The following DNAH14 variants were observed in gnomAD, a reference collection of about 807,000 sequenced individuals.
DNAH14 encodes the protein dynein axonemal heavy chain 14.
In DNAH14, 478 loss-of-function variants were observed where a neutral mutation model predicts 520.9. That is an observed-to-expected ratio of 0.92 (90% CI 0.85 to 0.99). The LOEUF is 0.99. Ranked by LOEUF, DNAH14 falls within the 50% of genes least tolerant of loss-of-function variation. DNAH14 has a pLI of 0.00. For missense variants in DNAH14, 4,831 were observed against 5,234.5 expected (o/e 0.92, Z 2.38); for synonymous variants, 1,581 against 1,757.2 (o/e 0.90, Z 2.51).
At position 225,206,172 on chromosome 1, in the gene DNAH14, T is replaced by C; in HGVS notation, c.6179T>C (p.Val2060Ala). 1 of 1,546,482 alleles carries C rather than the reference T, an allele frequency of 6.5e-7. No individual in the cohort carries two copies. The highest frequency in any genetic ancestry group is 1.4e-5 in the African/African-American group (1 of 73,094). The change falls in exon 40 of 86, where the codon GTC becomes GCC. Residue 2060 changes from valine to alanine, a missense_variant. Physicochemically the swap from Val to Ala is moderately conservative, Grantham distance 64. Transcript: ENST00000682510. ...SPATVSRCAM[V>A]YMDPVDLGWE... The stretch of plus-strand genomic sequence containing the variant: ...GCTACTGTCAGCCGATGTGCCATGG[T>C]CTATATGGTAAGCTTTCAAAAACAA...
chr1:225,320,311 G>A (rs1175311956), intron 61 of DNAH14, among the ~76,000 whole-genome samples: 2 of 152,144 alleles, frequency 1.3e-5, no homozygotes, highest in African/African-American at 4.8e-5. Flanking sequence ...ACAGAGGCTG[G>A]CATAAGGCAA....
chr1:225,364,098 A>G (rs185940270), intron 75 of DNAH14, among the ~76,000 whole-genome samples: 9 of 152,292 alleles, frequency 5.9e-5, no homozygotes, highest in Admixed American at 3.9e-4. Context: ...ATATCATTGA[A>G]GTAATGTTAT....
At chr1:225,210,134 AC>A (rs2088173935) in intron 41 of DNAH14, among the ~76,000 whole-genome samples, 2 of 151,998 alleles carry the variant, frequency 1.3e-5, no homozygotes, top group South Asian at 4.2e-4. Flanking sequence ...TGGGGTACTT[AC>A]TGGCCTGTAA....
chr1:225,053,412 C>A (rs376234135), intron 17 of DNAH14, among the ~76,000 whole-genome samples: 10 of 152,246 alleles, frequency 6.6e-5, no homozygotes, highest in South Asian at 2.1e-4. Context: ...ATGTCAGGGA[C>A]TTGGAACATT....
At chr1:225,366,464 C>T (rs965950553) in intron 76 of DNAH14, among the ~76,000 whole-genome samples, 2 of 152,124 alleles carry the variant, frequency 1.3e-5, no homozygotes, top group Non-Finnish European at 2.9e-5. Flanking sequence ...GTTCTGAAGG[C>T]GGACAGACAC....
At chr1:225,318,807 A>AT (rs2094510390) in intron 61 of DNAH14, 130 bp downstream of exon 61, 8 of 886,010 alleles carry the variant, frequency 9.0e-6, no homozygotes, top group Non-Finnish European at 1.2e-5. Context: ...TTGGTTTAAG[A>AT]TTTTTTACCC....
chr1:225,318,314 T>A (rs1307434944), intron 60 of DNAH14, among the ~76,000 whole-genome samples: 1 of 152,186 alleles, frequency 6.6e-6, no homozygotes, highest in Non-Finnish European at 1.5e-5. Context: ...AATTCTACAC[T>A]GAGTCTAAGA....
At chr1:225,167,886 T>G in intron 35 of DNAH14, 53 bp from the exon 36 acceptor site, 1 of 1,052,642 alleles carries the variant, frequency 9.5e-7, no homozygotes, top group Non-Finnish European at 1.4e-6. Flanking sequence ...AGATAAAAAT[T>G]TAAGAGTTTC....
chr1:225,158,894 G>A (rs2081286364), intron 34 of DNAH14, among the ~76,000 whole-genome samples: 1 of 152,122 alleles, frequency 6.6e-6, no homozygotes, highest in Non-Finnish European at 1.5e-5. Context: ...TGGCAGACAT[G>A]TTTTCATAAG....
intron 52 of DNAH14, among the ~76,000 whole-genome samples, chr1:225,274,298 G>A (rs1318507247): frequency 2.7e-5 from 4 of 147,030 alleles, no homozygotes; most frequent in Admixed American, 1.4e-4. Flanking sequence ...TCCGCCTTCC[G>A]GGTTCACGCC....
chr1:225,025,365 A>G (rs758148664), intron 11 of DNAH14, among the ~76,000 whole-genome samples: 1 of 151,662 alleles, frequency 6.6e-6, no homozygotes, highest in Non-Finnish European at 1.5e-5. Flanking sequence ...TTGTGGAGTC[A>G]GACCACATGG....
In DNAH14 at chr1:225,263,492, C is replaced by T. The variant is rs368456066; in HGVS notation, c.7158-705C>T. The stretch of plus-strand genomic sequence containing the variant: ...CCCAATCCCTAGGTCCCCATTTTTG[C>T]CCTGCACTACATCTAATATTCTACT... On this transcript the variant is annotated intron_variant, in intron 46 of 85. Transcript: ENST00000682510. Among the ~76,000 whole-genome samples, 38 of 151,894 alleles carry T rather than the reference C, an allele frequency of 2.5e-4. No individual in the cohort carries two copies. The South Asian group carries it at 7.9e-3, about 32-fold the overall frequency.
chr1:225,024,626 ATAT>A (rs2065955514), intron 11 of DNAH14: 2 of 152,150 alleles, frequency 1.3e-5, no homozygotes, highest in Admixed American at 6.6e-5. Flanking sequence ...ATTCAAGATA[ATAT>A]TTTGTTTTTC....
chr1:224,976,012 C>T (rs1428417940), intron 8 of DNAH14, among the ~76,000 whole-genome samples: 1 of 151,682 alleles, frequency 6.6e-6, no homozygotes, highest in Non-Finnish European at 1.5e-5. Flanking sequence ...GCAGGTTGTT[C>T]AGTTTCCATG....
intron 44 of DNAH14, among the ~76,000 whole-genome samples, chr1:225,253,512 G>A (rs1427398375): frequency 5.9e-5 from 9 of 151,858 alleles, no homozygotes; most frequent in South Asian, 2.1e-4. Context: ...ATGGTAAACC[G>A]CAATATGATA....
Position 225,100,708 on chromosome 1 carries a change from T to A in DNAH14, c.3696-5T>A. On this transcript the variant is annotated splice_region_variant and splice_polypyrimidine_tract_variant and intron_variant, in intron 22 of 85. Coordinates refer to ENST00000682510, the MANE Select transcript of DNAH14 (RefSeq NM_001367479.1). ...ATAAAATGACATCTAATTTTTTTTC[T>A]AAAGGCAACTCCCAGCAGAAACAGA... is the stretch of plus-strand genomic sequence containing the variant. 1 of 1,471,558 alleles carries A rather than the reference T, an allele frequency of 6.8e-7. No individual in the cohort carries two copies. The highest frequency in any genetic ancestry group is 1.4e-5 in the African/African-American group (1 of 69,158). 91.2% of individuals were successfully genotyped at this position (1,471,558 alleles called of 1,614,324 possible).
rs1448748665 is a variant in DNAH14, at chr1:225,023,809, T to G, written c.1302T>G (p.Phe434Leu). 1 of 1,549,308 alleles carries G rather than the reference T, an allele frequency of 6.5e-7. No individual in the cohort carries two copies. Among genetic ancestry groups the G allele is most frequent in the Non-Finnish European group, 8.7e-7 (1 of 1,145,832 alleles). The change falls in exon 11 of 86, where the codon TTT becomes TTG. Residue 434 changes from phenylalanine to leucine, a missense_variant. Phe to Leu is a conservative substitution (Grantham distance 22, BLOSUM62 0). Transcript: ENST00000682510. Reference sequence around the variant, plus strand: ...CAGTCACACTACTTTTGGAATTATTTAATGGTTCTGCTGGAATGCCATTTT... The same window carrying G: ...CAGTCACACTACTTTTGGAATTATTGAATGGTTCTGCTGGAATGCCATTTT... Reference protein sequence around the residue: ...NTAVTLLLELFNGSAGMPFSV... With the variant: ...NTAVTLLLELLNGSAGMPFSV...
rs139036417 is a variant in DNAH14 at position 225,065,758 on chromosome 1, C to G, written c.2425-13449C>G. Among the ~76,000 whole-genome samples, 475 of 152,116 alleles carry G rather than the reference C, an allele frequency of 3.1e-3. 4 individuals are homozygous for G. Among genetic ancestry groups the G allele is most frequent in the African/African-American group, 7.8e-3 (326 of 41,542 alleles). On this transcript the variant is annotated intron_variant, in intron 17 of 85. Coordinates refer to ENST00000682510, the MANE Select transcript of DNAH14 (RefSeq NM_001367479.1). ...TGTACATATACTACATTTTATTTGT[C>G]CATTCATCTGTTGATAGACACATAG...
chr1:225,290,692 T>TATATATATATATA (rs1553301362), intron 55 of DNAH14, among the ~76,000 whole-genome samples: 1 of 120,762 alleles, frequency 8.3e-6, no homozygotes, highest in East Asian at 2.6e-4. Flanking sequence ...TATATATATA[T>TATATATATATATA]ATTTCCTCCA....
Sources: allele counts gnomAD v4.1 joint callset (sites outside exome capture counted in the v4.1 genomes callset), GRCh38; gene constraint gnomAD v4.1.1; transcripts MANE v1.5; gene names NCBI Gene and HGNC (gene_info 2026-07-23, HGNC 2026-07-21).